CEACAM6: variants seen among roughly 807,000 people sequenced by gnomAD.
CEACAM6 encodes the protein CEA cell adhesion molecule 6, also known as cell adhesion molecule CEACAM6.
In CEACAM6, 21 loss-of-function variants were observed where a neutral mutation model predicts 32.4. That is an observed-to-expected ratio of 0.65 (90% CI 0.46 to 0.93). The LOEUF (loss-of-function observed/expected upper bound fraction) is 0.93. Ranked by LOEUF, CEACAM6 falls within the 40% of genes least tolerant of loss-of-function variation. The pLI is 0.00. For synonymous variants in CEACAM6, 184 were observed against 174.4 expected (o/e 1.06, Z -0.43); for missense variants, 406 against 432.2 (o/e 0.94, Z 0.54).
chr19:41,767,280 C>T (rs1440712249), intron 5 of CEACAM6, among the ~76,000 whole-genome samples: 2 of 152,148 alleles, frequency 1.3e-5, no homozygotes, highest in African/African-American at 4.8e-5. Flanking sequence ...TCACAAGCAA[C>T]CTCTTATTTC....
intron 2 of CEACAM6, among the ~76,000 whole-genome samples, chr19:41,760,961 G>A (rs1555821736): frequency 6.6e-6 from 1 of 152,194 alleles, no homozygotes; most frequent in East Asian, 1.9e-4. Flanking sequence ...GAGAAACCAG[G>A]AGAAGCACAA....
rs60352910 is a variant in CEACAM6 at position 41,764,332 on chromosome 19, C to A, written c.959-1851C>A. Among the ~76,000 whole-genome samples, 546 of 152,210 alleles carry A rather than the reference C, an allele frequency of 3.6e-3. 3 individuals are homozygous for A. Among genetic ancestry groups the A allele is most frequent in the African/African-American group, 0.013 (520 of 41,542 alleles). ...GTCTCACTCTGTAACCCAACCCAAG[C>A]TGGAGTGCAGTGGCTTGATCATAGC... On this transcript the variant is annotated intron_variant, in intron 4 of 5. Transcript: ENST00000199764.
chr19:41,767,837 T>G (rs1396655905), intron 5 of CEACAM6, among the ~76,000 whole-genome samples: 1 of 152,084 alleles, frequency 6.6e-6, no homozygotes, highest in Non-Finnish European at 1.5e-5. Context: ...GTAATCTAAC[T>G]GAGAAACAGA....
chr19:41,771,267 T>C lies in CEACAM6; in HGVS notation c.*506T>C, dbSNP rs2072992910. 6.6e-6 allele frequency: 1 copy of C among 152,212 alleles called. No individual in the cohort carries two copies. The highest frequency in any genetic ancestry group is 1.5e-5 in the Non-Finnish European group (1 of 68,032). The allele number at this position is 152,212 out of a possible 1,614,324, so 9.4% of individuals were successfully genotyped here. ...CTTTAGTGCACCCAGTGACTGACAT[T>C]AGCAGCATCTTTAACACAGCCGTGT... is the stretch of plus-strand genomic sequence containing the variant. On this transcript the variant is annotated 3_prime_UTR_variant, in exon 6 of 6. Coordinates refer to ENST00000199764, the MANE Select transcript of CEACAM6 (RefSeq NM_002483.7).
intron 5 of CEACAM6, among the ~76,000 whole-genome samples, chr19:41,767,838 G>A (rs1171590770): frequency 1.3e-5 from 2 of 152,028 alleles, no homozygotes; most frequent in Non-Finnish European, 2.9e-5. Flanking sequence ...TAATCTAACT[G>A]AGAAACAGAA....
At chr19:41,761,888 G>A (rs1473519214) in intron 3 of CEACAM6, 81 bp from the exon 4 acceptor site, 2 of 1,536,052 alleles carry the variant, frequency 1.3e-6, no homozygotes, top group Admixed American at 1.7e-5. Flanking sequence ...GGCTCAGGGG[G>A]ACACCGTGGC....
Position 41,756,740 on chromosome 19 carries a change from A to G in CEACAM6, c.205A>G (p.Lys69Glu), listed in dbSNP as rs782720391. Reference sequence around the variant, plus strand: ...GAATCGTATTGGTTACAGCTGGTACAAAGGCGAAAGAGTGGATGGCAACAG... The same window carrying G: ...GAATCGTATTGGTTACAGCTGGTACGAAGGCGAAAGAGTGGATGGCAACAG... Reference protein sequence around the residue: ...PQNRIGYSWYKGERVDGNSLI... With the variant: ...PQNRIGYSWYEGERVDGNSLI... The change falls in exon 2 of 6, where the codon AAA (lysine) becomes GAA (glutamate). Residue 69 changes from lysine (K) to glutamate (E), a missense_variant. By Grantham distance (56) the Lys-to-Glu change is moderately conservative. Transcript: ENST00000199764. 4 of 1,614,168 alleles carry G rather than the reference A, an allele frequency of 2.5e-6. No individual in the cohort carries two copies. In the South Asian group the frequency reaches 4.4e-5, roughly 18 times the overall value.
chr19:41,770,255 C>CAAAAAAAA (rs1158293587), intron 5 of CEACAM6, among the ~76,000 whole-genome samples: 2 of 40,522 alleles, frequency 4.9e-5, no homozygotes, highest in African/African-American at 1.4e-4. Flanking sequence ...GCTAAAAATA[C>CAAAAAAAA]AAAAAAAAAA....
Position 41,766,165 on chromosome 19 carries a change from C to A in CEACAM6, c.959-18C>A. The A allele has an allele frequency of 6.3e-7, 1 of 1,582,816 alleles. No homozygotes were observed. The highest frequency in any genetic ancestry group is 1.8e-5 in the Admixed American group (1 of 55,490). On this transcript the variant is annotated intron_variant, in intron 4 of 5. Transcript: ENST00000199764. ...TAGAATAACATCACCTTCATTCCTT[C>A]TCTCTTCTTCCCACAAGGAAGTGCT...
In CEACAM6 at chr19:41,766,226, G is replaced by A. The variant is rs782457886; in HGVS notation, c.1002G>A (p.Thr334=). 1.4e-5 allele frequency: 22 copies of A among 1,606,682 alleles called. No homozygotes were observed. The highest frequency in any genetic ancestry group is 3.3e-5 in the South Asian group (3 of 89,578). The part of the protein sequence containing the change: ...VLSAVATVGI[T]IGVLARVALI The stretch of plus-strand genomic sequence containing the variant: ...CAGCTGTGGCCACCGTCGGCATCAC[G>A]ATTGGAGTGCTGGCCAGGGTGGCTC... The change falls in exon 5 of 6, where the codon ACG becomes ACA. Residue 334 remains threonine (T), a synonymous_variant. Coordinates refer to ENST00000199764, the MANE Select transcript of CEACAM6 (RefSeq NM_002483.7).
chr19:41,758,188 G>A (rs943221144), intron 2 of CEACAM6: 1 of 152,268 alleles, frequency 6.6e-6, no homozygotes, highest in Non-Finnish European at 1.5e-5. Flanking sequence ...CTCTCCCTTC[G>A]ATCCACAGTC....
intron 2 of CEACAM6, among the ~76,000 whole-genome samples, chr19:41,758,608 G>C (rs2072903674): frequency 2.0e-5 from 3 of 152,106 alleles, no homozygotes; most frequent in Admixed American, 2.0e-4. Context: ...CTGGTCCCTG[G>C]GGTCTCTGAG....
rs550272748 is a variant in CEACAM6, at chr19:41,762,298, T to G, written c.958+75T>G. On this transcript the variant is annotated intron_variant, in intron 4 of 5. Transcript: ENST00000199764. The stretch of plus-strand genomic sequence containing the variant: ...CTCTCAGAGAAGAGCCAGGAAGAAA[T>G]TTTCTTTCCCAACCTGTGTCCAAGG... The G allele has an allele frequency of 3.3e-5, 51 of 1,547,486 alleles. 1 individual carries two copies. In the African/African-American group the frequency reaches 6.2e-4, roughly 19 times the overall value.
chr19:41,766,725 G>A (rs1555822428), intron 5 of CEACAM6, among the ~76,000 whole-genome samples: 2 of 152,062 alleles, frequency 1.3e-5, no homozygotes, highest in African/African-American at 4.8e-5. Flanking sequence ...AGCCAAAGGG[G>A]GCCAGGCACA....
chr19:41,759,086 T>C lies in CEACAM6; in HGVS notation c.424+2127T>C, dbSNP rs113111473. Among the ~76,000 whole-genome samples the C allele has an allele frequency of 3.0e-4, 46 of 152,314 alleles. 1 individual carries two copies. Among genetic ancestry groups the C allele is most frequent in the African/African-American group, 1.1e-3 (44 of 41,570 alleles). ...CCCCAAGGCCCAGAGGCTAATTTCA[T>C]CCATTGACTTCCGTCCTCATCTTGG... On this transcript the variant is annotated intron_variant, in intron 2 of 5. Transcript: ENST00000199764.
At chr19:41,761,166 G>A (rs2072920476) in intron 2 of CEACAM6, 83 bp from the exon 3 acceptor site, 1 of 1,599,174 alleles carries the variant, frequency 6.3e-7, no homozygotes, top group Non-Finnish European at 8.5e-7. Flanking sequence ...TGAGAGGTGA[G>A]AGATGCCAAC....
At chr19:41,767,959 T>C (rs572006199) in intron 5 of CEACAM6, among the ~76,000 whole-genome samples, 142 of 152,270 alleles carry the variant, frequency 9.3e-4, no homozygotes, top group African/African-American at 3.3e-3. Flanking sequence ...ATGTTATTGA[T>C]GTGAGTGTTC....
At chr19:41,761,586 G>A in intron 3 of CEACAM6, 59 bp downstream of exon 3, 1 of 1,598,888 alleles carries the variant, frequency 6.3e-7, no homozygotes, top group East Asian at 2.2e-5. Context: ...CACAGCCAGA[G>A]TCCAGGTCTC....
Position 41,771,256 on chromosome 19 carries a change from G to A in CEACAM6, c.*495G>A, listed in dbSNP as rs150426402. 4 of 152,296 alleles carry A rather than the reference G, an allele frequency of 2.6e-5. No homozygotes were observed. Among genetic ancestry groups the A allele is most frequent in the African/African-American group, 7.2e-5 (3 of 41,560 alleles). 9.4% of individuals were successfully genotyped at this position (152,296 alleles called of 1,614,324 possible). On this transcript the variant is annotated 3_prime_UTR_variant, in exon 6 of 6. Transcript: ENST00000199764. Reference sequence around the variant, plus strand: ...AATAAGAGATCCTTTAGTGCACCCAGTGACTGACATTAGCAGCATCTTTAA... The same window carrying A: ...AATAAGAGATCCTTTAGTGCACCCAATGACTGACATTAGCAGCATCTTTAA...
Sources: gnomAD v4.1 joint callset for allele counts (sites outside exome capture counted in the v4.1 genomes callset) on GRCh38, gnomAD v4.1.1 for gene constraint, MANE v1.5 for transcripts, NCBI Gene and HGNC (gene_info 2026-07-23, HGNC 2026-07-21) for gene names.